The following NDST1 variants were observed in gnomAD, a reference collection of about 807,000 sequenced individuals.
The protein encoded by NDST1 is N-deacetylase and N-sulfotransferase 1.
In NDST1, 35 loss-of-function variants were observed where a neutral mutation model predicts 92.8. That is an observed-to-expected ratio of 0.38 (90% CI 0.29 to 0.50). NDST1 has a LOEUF of 0.50. Ranked by LOEUF, NDST1 falls within the 20% of genes least tolerant of loss-of-function variation. The pLI is 0.94. For missense variants in NDST1, 822 were observed against 1,182.7 expected, an observed-to-expected ratio of 0.69 and a Z score of 4.47; for synonymous variants, 493 against 500.3, an observed-to-expected ratio of 0.99 and a Z score of 0.19.
chr5:150,497,796 G>C (rs569465941), upstream of NDST1: 25 of 152,342 alleles, frequency 1.6e-4, no homozygotes, highest in African/African-American at 6.0e-4. Context: ...CTGTTCTCCC[G>C]GCCCCGAAGG....
chr5:150,522,390 C>T (rs891649826), intron 2 of NDST1, among the ~76,000 whole-genome samples: 1 of 150,996 alleles, frequency 6.6e-6, no homozygotes. Flanking sequence ...GAATGACCGC[C>T]GGGATTGGGG....
At chr5:150,549,634 C>A in intron 12 of NDST1, 44 bp from the exon 13 acceptor site, 1 of 1,243,002 alleles carries the variant, frequency 8.0e-7, no homozygotes, top group Non-Finnish European at 1.2e-6. Flanking sequence ...CCTTGTTTGC[C>A]ACCGAAGTCA....
At chr5:150,522,013 G>C (rs932999224) in intron 2 of NDST1, among the ~76,000 whole-genome samples, 5 of 152,304 alleles carry the variant, frequency 3.3e-5, no homozygotes, top group South Asian at 4.1e-4. Context: ...CACACAGCAG[G>C]TGCTTGCCTA....
rs1182080003 is a variant in NDST1 at position 150,554,746 on chromosome 5, G to C, written c.*1414G>C. 1.3e-5 allele frequency: 2 copies of C among 152,768 alleles called. No individual in the cohort carries two copies. The highest frequency in any genetic ancestry group is 2.9e-5 in the Non-Finnish European group (2 of 68,174). 9.5% of individuals were successfully genotyped at this position (152,768 alleles called of 1,614,324 possible). A position where few individuals can be genotyped will look rare whatever the true frequency, so the allele number is the denominator to read the frequency against. On this transcript the variant is annotated 3_prime_UTR_variant, in exon 15 of 15. Transcript: ENST00000261797. ...CTCTCCCTCACATGGTGCTAGGCTGGGAGCTGCCCTGAGAGCTGGGATGCC... is the reference window on the plus strand; with the variant it reads ...CTCTCCCTCACATGGTGCTAGGCTGCGAGCTGCCCTGAGAGCTGGGATGCC...
intron 3 of NDST1, among the ~76,000 whole-genome samples, chr5:150,532,053 C>T (rs1754766226): frequency 1.3e-5 from 2 of 152,122 alleles, no homozygotes; most frequent in Admixed American, 6.5e-5. Flanking sequence ...AGGCTTACAG[C>T]GGCAGTGACC....
intron 3 of NDST1, among the ~76,000 whole-genome samples, chr5:150,532,497 T>C (rs1265917740): frequency 6.6e-6 from 1 of 151,378 alleles, no homozygotes; most frequent in African/African-American, 2.4e-5. Flanking sequence ...TTATGTGGTT[T>C]AATGCCTGCT....
intron 4 of NDST1, 118 bp from the exon 5 acceptor site, chr5:150,534,749 A>G: frequency 8.1e-7 from 1 of 1,234,924 alleles, no homozygotes; most frequent in African/African-American, 1.5e-5. Flanking sequence ...AGCCCAGATA[A>G]CTCTTCCAGG....
intron 2 of NDST1, among the ~76,000 whole-genome samples, chr5:150,527,510 G>A (rs565668040): frequency 1.3e-4 from 20 of 152,318 alleles, no homozygotes; most frequent in African/African-American, 3.6e-4. Flanking sequence ...CTAGGCCTCC[G>A]TCTGCTATGT....
chr5:150,500,968 C>T (rs2151234279), intron 1 of NDST1, among the ~76,000 whole-genome samples: 1 of 152,212 alleles, frequency 6.6e-6, no homozygotes, highest in East Asian at 1.9e-4. Context: ...GGACAATCAT[C>T]TGATTGTCTA....
chr5:150,524,058 A>G (rs1489825686), intron 2 of NDST1, among the ~76,000 whole-genome samples: 1 of 152,224 alleles, frequency 6.6e-6, no homozygotes, highest in Non-Finnish European at 1.5e-5. Flanking sequence ...CTCATTTTCC[A>G]GTTCCCACTG....
At chr5:150,536,564 T>A (rs908032689) in intron 6 of NDST1, among the ~76,000 whole-genome samples, 1 of 152,098 alleles carries the variant, frequency 6.6e-6, no homozygotes, top group African/African-American at 2.4e-5. Context: ...ATCCCTTTTT[T>A]TTTCTTTCTT....
At chr5:150,523,723 G>A (rs558462825) in intron 2 of NDST1, among the ~76,000 whole-genome samples, 5 of 152,318 alleles carry the variant, frequency 3.3e-5, no homozygotes, top group South Asian at 2.1e-4. Context: ...GCCATTGGGC[G>A]TAATTGGTAC....
At chr5:150,530,440 A>G (rs978249495) in intron 3 of NDST1, among the ~76,000 whole-genome samples, 2 of 151,660 alleles carry the variant, frequency 1.3e-5, no homozygotes, top group African/African-American at 4.9e-5. Flanking sequence ...CTGTCCAGTG[A>G]GTTCTGGAGA....
At chr5:150,510,263 T>C (rs934558317) in intron 1 of NDST1, among the ~76,000 whole-genome samples, 1 of 152,240 alleles carries the variant, frequency 6.6e-6, no homozygotes, top group Non-Finnish European at 1.5e-5. Context: ...AGCTTAACGT[T>C]GGCCGCCAGT....
At chr5:150,537,967 T>C (rs1755070237) in intron 6 of NDST1, among the ~76,000 whole-genome samples, 1 of 152,218 alleles carries the variant, frequency 6.6e-6, no homozygotes, top group Non-Finnish European at 1.5e-5. Context: ...GTGTAAAATA[T>C]ACAGTGGTCA....
chr5:150,528,425 C>A, intron 3 of NDST1, 127 bp downstream of exon 3: 1 of 1,071,512 alleles, frequency 9.3e-7, no homozygotes, highest in Non-Finnish European at 1.3e-6. Context: ...AAAGACAGTC[C>A]CACTCTGCTT....
At chr5:150,544,298 A>G (rs1755384476) in intron 10 of NDST1, among the ~76,000 whole-genome samples, 1 of 152,254 alleles carries the variant, frequency 6.6e-6, no homozygotes, top group South Asian at 2.1e-4. Flanking sequence ...AGTAAGAGGA[A>G]TAAGTCAGGT....
intron 1 of NDST1, among the ~76,000 whole-genome samples, chr5:150,514,498 T>G (rs1044149440): frequency 9.4e-5 from 14 of 149,364 alleles, no homozygotes; most frequent in Admixed American, 8.7e-4. Flanking sequence ...GAGGCGGAGG[T>G]TGCAGTGAGC....
Position 150,553,441 on chromosome 5 carries a change from T to A in NDST1, c.*109T>A. 1 of 1,438,646 alleles carries A rather than the reference T, an allele frequency of 7.0e-7. No individual in the cohort carries two copies. Among genetic ancestry groups the A allele is most frequent in the Non-Finnish European group, 9.7e-7 (1 of 1,034,016 alleles). The allele number at this position is 1,438,646 out of a possible 1,614,324, so 89.1% of individuals were successfully genotyped here. On this transcript the variant is annotated 3_prime_UTR_variant, in exon 15 of 15. Transcript: ENST00000261797. This position sits in a 1 kb window ranked among gnomAD's most constrained non-coding sequence, Gnocchi z 4.2. Reference sequence around the variant, plus strand: ...CTGGACCAGGGCAGCTGCGCACTTATGAGCAATACTCTGTGGAGGTCTGGT... The same window carrying A: ...CTGGACCAGGGCAGCTGCGCACTTAAGAGCAATACTCTGTGGAGGTCTGGT...
Sources: gnomAD v4.1 joint callset for allele counts (sites outside exome capture counted in the v4.1 genomes callset) on GRCh38, gnomAD v4.1.1 for gene constraint, Gnocchi (gnomAD v3.1) non-coding constraint, MANE v1.5 for transcripts, NCBI Gene and HGNC (gene_info 2026-07-23, HGNC 2026-07-21) for gene names.